Variants in DMAC2L observed in about 807,000 individuals in gnomAD.
DMAC2L encodes distal membrane arm assembly component 2 like.
A neutral mutation model predicts 22.5 loss-of-function variants in DMAC2L; 21 were observed. The ratio of observed to expected loss-of-function variants is 0.93; its 90% CI spans 0.66 to 1.34. DMAC2L has a LOEUF of 1.34. Ranked by LOEUF, DMAC2L falls within the 40% of genes most tolerant of loss-of-function variation. The probability of loss-of-function intolerance (pLI) is 0.00; values close to 1 mark genes in which losing one functional copy is unlikely to be tolerated. For synonymous variants in DMAC2L, 86 were observed against 89.5 expected, an observed-to-expected ratio of 0.96 and a Z score of 0.22; for missense variants, 239 against 246.5, an observed-to-expected ratio of 0.97 and a Z score of 0.20.
chr14:50,314,654 AT>A, intron 2 of DMAC2L, 28 bp downstream of exon 2: 1 of 453,896 alleles, frequency 2.2e-6, no homozygotes, highest in Non-Finnish European at 4.4e-6. Context: ...TTTTATTTTT[AT>A]TTTTGAGACA....
chr14:50,324,568 CTG>C (rs953616049), intron 5 of DMAC2L: 3 of 152,558 alleles, frequency 2.0e-5, no homozygotes, highest in African/African-American at 7.2e-5. Flanking sequence ...CTGCCTGACA[CTG>C]TAATAATCAT....
At chr14:50,313,080 T>A in intron 1 of DMAC2L, 1 of 1,592,378 alleles carries the variant, frequency 6.3e-7, no homozygotes, top group Non-Finnish European at 8.6e-7. Context: ...CCTGATTCCC[T>A]TTATGTAAAA....
At chr14:50,321,674 C>A in intron 3 of DMAC2L, 80 bp downstream of exon 3, 1 of 1,041,174 alleles carries the variant, frequency 9.6e-7, no homozygotes, top group South Asian at 1.4e-5. Context: ...TTGGCTATTT[C>A]TCATATTTAC....
chr14:50,323,920 C>G, intron 4 of DMAC2L, 25 bp from the exon 5 acceptor site: 1 of 1,572,188 alleles, frequency 6.4e-7, no homozygotes, highest in Non-Finnish European at 8.6e-7. Context: ...AAAGCAGATT[C>G]TTAATCTGTA....
chr14:50,311,997 C>T (rs1432465772), upstream of DMAC2L: 2 of 1,554,980 alleles, frequency 1.3e-6, no homozygotes, highest in Middle Eastern at 4.3e-4. Flanking sequence ...CGGGGAGGAC[C>T]AGCGGCCACT....
At chr14:50,325,543 T>G in intron 5 of DMAC2L, 66 bp from the exon 6 acceptor site, 1 of 1,498,876 alleles carries the variant, frequency 6.7e-7, no homozygotes. Flanking sequence ...TTTCTTTAAG[T>G]CAGTAAATTG....
intron 4 of DMAC2L, chr14:50,322,998 C>G: frequency 7.6e-7 from 1 of 1,320,940 alleles, no homozygotes; most frequent in Non-Finnish European, 9.7e-7. Context: ...CTATCTTTGT[C>G]AAACTTCTGT....
intron 1 of DMAC2L, chr14:50,312,732 G>T (rs2031358999): frequency 2.7e-6 from 1 of 376,626 alleles, no homozygotes; most frequent in Non-Finnish European, 4.8e-6. Flanking sequence ...CCCGGCCCCA[G>T]CCCAGTCGAG....
chr14:50,314,241 G>A (rs1809801047), intron 1 of DMAC2L, among the ~76,000 whole-genome samples: 2 of 152,226 alleles, frequency 1.3e-5, no homozygotes, highest in Admixed American at 1.3e-4. Flanking sequence ...TCTCCAGATA[G>A]TGAATGAGCC....
intron 1 of DMAC2L, chr14:50,313,116 C>G (rs1055742582): frequency 4.4e-6 from 6 of 1,372,402 alleles, no homozygotes; most frequent in Non-Finnish European, 5.2e-6. Context: ...TGTGTAATCT[C>G]TAAAGGACCT....
upstream of DMAC2L, chr14:50,311,908 TC>T: frequency 6.8e-7 from 1 of 1,478,968 alleles, no homozygotes; most frequent in East Asian, 2.5e-5. Flanking sequence ...CAACCTGCTC[TC>T]ACCCCGGGAC....
chr14:50,324,192 G>A, intron 5 of DMAC2L, 76 bp downstream of exon 5: 1 of 1,410,220 alleles, frequency 7.1e-7, no homozygotes, highest in African/African-American at 1.5e-5. Flanking sequence ...GACTGTGAGG[G>A]GTGGTGTCTT....
intron 2 of DMAC2L, among the ~76,000 whole-genome samples, chr14:50,318,109 T>TTATC (rs1263530479): frequency 6.6e-6 from 1 of 152,236 alleles, no homozygotes; most frequent in African/African-American, 2.4e-5. Flanking sequence ...TCATGGTGGA[T>TTATC]TATCTATGGC....
Position 50,326,631 on chromosome 14 carries a change from A to C in DMAC2L, c.*908A>C. ...GTCTATTTTGTAAGCTTAGGCTACT[A>C]TTTTATTAAAACTGGACATAGATAC... On this transcript the variant is annotated 3_prime_UTR_variant, in exon 6 of 6. Transcript: ENST00000557421. The C allele has an allele frequency of 1.0e-6, 1 of 985,464 alleles. No homozygotes were observed. The highest frequency in any genetic ancestry group is 1.2e-6 in the Non-Finnish European group (1 of 829,924). 61.0% of individuals were successfully genotyped at this position (985,464 alleles called of 1,614,324 possible).
intron 2 of DMAC2L, among the ~76,000 whole-genome samples, chr14:50,315,790 C>G (rs1038564678): frequency 6.6e-6 from 1 of 151,006 alleles, no homozygotes; most frequent in Non-Finnish European, 1.5e-5. Context: ...ACCACAGCTT[C>G]TTTATCCACT....
intron 1 of DMAC2L, chr14:50,312,627 C>CTCG (rs1408674717): frequency 7.4e-6 from 2 of 269,902 alleles, no homozygotes; most frequent in Non-Finnish European, 1.4e-5. Context: ...CGGCCCCGCC[C>CTCG]CCGCCCCGCC....
At chr14:50,313,391 G>T (rs928273504) in intron 1 of DMAC2L, among the ~76,000 whole-genome samples, 1 of 152,158 alleles carries the variant, frequency 6.6e-6, no homozygotes, top group Non-Finnish European at 1.5e-5. Flanking sequence ...TCTTAGGGCC[G>T]TTGAGCGGAT....
chr14:50,312,680 G>T, intron 1 of DMAC2L: 1 of 246,948 alleles, frequency 4.0e-6, no homozygotes, highest in Non-Finnish European at 7.9e-6. Flanking sequence ...CCCCGCACGC[G>T]GCCCGCGGTA....
chr14:50,325,789 T>C lies in DMAC2L; in HGVS notation c.*66T>C. ...TGTTGATTCCAAACATCAACTAATA[T>C]TATATAGTCATCAGTAGAATTATAA... is the stretch of plus-strand genomic sequence containing the variant. On this transcript the variant is annotated 3_prime_UTR_variant, in exon 6 of 6. Coordinates refer to ENST00000557421, the MANE Select transcript of DMAC2L (RefSeq NM_001382507.1). The C allele has an allele frequency of 1.9e-6, 3 of 1,552,688 alleles. No homozygotes were observed. The highest frequency in any genetic ancestry group is 2.6e-6 in the Non-Finnish European group (3 of 1,153,724).
Sources: gnomAD v4.1 joint callset for allele counts (sites outside exome capture counted in the v4.1 genomes callset) on GRCh38, gnomAD v4.1.1 for gene constraint, MANE v1.5 for transcripts, NCBI Gene and HGNC (gene_info 2026-07-23, HGNC 2026-07-21) for gene names.